The following ACSL5 variants were observed in gnomAD, a reference collection of about 807,000 sequenced individuals.
ACSL5 encodes the protein acyl-CoA synthetase long chain family member 5, also known as long-chain-fatty-acid--CoA ligase 5.
Under a neutral mutation model 84.9 loss-of-function variants are expected in ACSL5, and 50 were observed. That is an observed-to-expected ratio of 0.59 (90% CI 0.47 to 0.75). The LOEUF (loss-of-function observed/expected upper bound fraction) is 0.75. Ranked by LOEUF, ACSL5 falls within the 30% of genes least tolerant of loss-of-function variation. The pLI, the probability that ACSL5 is intolerant of heterozygous loss-of-function variation, is 0.00. For synonymous variants in ACSL5, 280 were observed against 300.7 expected (o/e 0.93, Z 0.71); for missense variants, 775 against 830.4 (o/e 0.93, Z 0.82).
At chr10:112,418,045 T>A in intron 14 of ACSL5, 104 bp downstream of exon 14, 2 of 849,200 alleles carry the variant, frequency 2.4e-6, no homozygotes, top group Non-Finnish European at 3.5e-6. Context: ...AAAATGAAAG[T>A]CACCTAAATT....
chr10:112,387,753 T>C (rs959054928), intron 1 of ACSL5, among the ~76,000 whole-genome samples: 3 of 152,192 alleles, frequency 2.0e-5, no homozygotes, highest in Non-Finnish European at 4.4e-5. Flanking sequence ...TCCTTTTTAA[T>C]TAGCTTTCTA....
chr10:112,376,522 C>T (rs903257349), intron 1 of ACSL5: 28 of 1,585,328 alleles, frequency 1.8e-5, no homozygotes, highest in Non-Finnish European at 2.2e-5. Flanking sequence ...AAGGGGGCAT[C>T]CTGACCCCCG....
At chr10:112,398,770 A>G (rs998282720) in intron 2 of ACSL5, 131 bp from the exon 3 acceptor site, 17 of 711,532 alleles carry the variant, frequency 2.4e-5, no homozygotes, top group Middle Eastern at 5.0e-4. Context: ...TTAAAAATCA[A>G]TTGACTAGCG....
At chr10:112,390,388 G>A (rs1357383507) in intron 1 of ACSL5, among the ~76,000 whole-genome samples, 1 of 152,198 alleles carries the variant, frequency 6.6e-6, no homozygotes, top group East Asian at 1.9e-4. Flanking sequence ...AAGTAGCAGT[G>A]TTAGGGAGAA....
intron 14 of ACSL5, among the ~76,000 whole-genome samples, chr10:112,418,487 C>T (rs552454021): frequency 2.6e-5 from 4 of 152,122 alleles, no homozygotes; most frequent in African/African-American, 7.2e-5. Flanking sequence ...GAGGCTGAGG[C>T]GGGAGAATGG....
Position 112,409,605 on chromosome 10 carries a change from C to G in ACSL5, c.631C>G (p.Leu211Val), listed in dbSNP as rs1195748486. The G allele has an allele frequency of 6.2e-7, 1 of 1,613,936 alleles. No homozygotes were observed. Among genetic ancestry groups the G allele is most frequent in the South Asian group, 1.1e-5 (1 of 91,072 alleles). The part of the protein sequence containing the change: ...GFTPSLKVII[L>V]MDPFDDDLKQ... ...CACCCCGAGCCTGAAGGTGATCATC[C>G]TTATGGACCCCTTTGATGATGACCT... The change falls in exon 7 of 21, where the codon CTT becomes GTT. Residue 211 changes from leucine (L) to valine (V), a missense_variant. Physicochemically the swap from Leu to Val is conservative, Grantham distance 32. Transcript: ENST00000354655.
chr10:112,416,621 T>A (rs536117900), intron 12 of ACSL5, among the ~76,000 whole-genome samples: 5 of 152,124 alleles, frequency 3.3e-5, no homozygotes, highest in Non-Finnish European at 7.4e-5. Flanking sequence ...TTTTAGGCAG[T>A]CCCTCTTTAT....
intron 12 of ACSL5, among the ~76,000 whole-genome samples, chr10:112,414,401 G>A (rs1428086426): frequency 1.4e-5 from 2 of 142,292 alleles, no homozygotes; most frequent in Non-Finnish European, 3.0e-5. Flanking sequence ...TGTCACCCAG[G>A]CTGGAGTGCA....
In ACSL5 at chr10:112,409,675, A is replaced by G. The variant is rs775467777; in HGVS notation, c.701A>G (p.Tyr234Cys). 5 of 1,614,112 alleles carry G rather than the reference A, an allele frequency of 3.1e-6. No homozygotes were observed. Among genetic ancestry groups the G allele is most frequent in the Non-Finnish European group, 4.2e-6 (5 of 1,179,970 alleles). The part of the protein sequence containing the change: ...EKSGIEILSL[Y>C]DAENLGKEHF... ...AGTGGAATTGAGATCTTATCCCTAT[A>G]TGATGCTGAGGTATGGATCTGAAAT... The change falls in exon 7 of 21, where the codon TAT (tyrosine) becomes TGT (cysteine). Residue 234 changes from tyrosine to cysteine, a missense_variant. Coordinates refer to ENST00000354655, the MANE Select transcript of ACSL5 (RefSeq NM_203379.2).
At position 112,427,195 on chromosome 10, in the gene ACSL5, A is replaced by ATG. The variant is rs751452222; in HGVS notation, c.1912-13_1912-12dup. 1.9e-5 allele frequency: 31 copies of ATG among 1,603,184 alleles called. No homozygotes were observed. In the South Asian group the frequency reaches 3.3e-4, roughly 17 times the overall value. On this transcript the variant is annotated intron_variant, in intron 20 of 20. Transcript: ENST00000354655. ...AAGTCCAAATCACTAATGAGCATGGATGTGTGTGTGTTCATCTTCCAGGTC... is the reference window on the plus strand; with the variant it reads ...AAGTCCAAATCACTAATGAGCATGGATGTGTGTGTGTGTTCATCTTCCAGGTC...
Position 112,426,325 on chromosome 10 carries a change from T to C in ACSL5, c.1805T>C (p.Val602Ala), listed in dbSNP as rs757813448. 4.3e-6 allele frequency: 7 copies of C among 1,613,972 alleles called. No homozygotes were observed. Among genetic ancestry groups the C allele is most frequent in the Non-Finnish European group, 5.9e-6 (7 of 1,180,008 alleles). Residue 602 changes from valine to alanine, a missense_variant, in exon 19 of 21, where the codon GTG becomes GCG. Transcript: ENST00000354655. ...VLPSFAAKLG[V>A]KGSFEELCQN... is the part of the protein sequence containing the mutation. ...CCCTCATTTGCAGCCAAGCTTGGGG[T>C]GAAGGGCTCCTTTGAGGAACTGTGC...
intron 7 of ACSL5, 95 bp from the exon 8 acceptor site, chr10:112,410,368 G>T (rs754346700): frequency 6.3e-7 from 1 of 1,591,204 alleles, no homozygotes; most frequent in Non-Finnish European, 8.6e-7. Flanking sequence ...TTCCCATAGA[G>T]ATGTTCTCAC....
At chr10:112,379,386 CAA>C (rs1259909307) in intron 1 of ACSL5, among the ~76,000 whole-genome samples, 17 of 132,546 alleles carry the variant, frequency 1.3e-4, no homozygotes, top group Middle Eastern at 4.4e-3. Flanking sequence ...GCCTGGGTGA[CAA>C]GAGTGAAACT....
At chr10:112,391,656 G>A (rs1843645035) in intron 1 of ACSL5, among the ~76,000 whole-genome samples, 1 of 152,182 alleles carries the variant, frequency 6.6e-6, no homozygotes, top group Admixed American at 6.5e-5. Context: ...TGTCTCAAAG[G>A]AGTAGTCAAA....
chr10:112,378,227 GTTTTTTTTTT>G (rs144322644), intron 1 of ACSL5, among the ~76,000 whole-genome samples: 5 of 56,806 alleles, frequency 8.8e-5, no homozygotes, highest in East Asian at 7.3e-4. Flanking sequence ...TCTTCTTCTT[GTTTTTTTTTT>G]TTTTTTTTTT....
At chr10:112,426,219 TTC>T in intron 18 of ACSL5, 37 bp from the exon 19 acceptor site, 1 of 1,546,412 alleles carries the variant, frequency 6.5e-7, no homozygotes, top group Non-Finnish European at 8.9e-7. Context: ...CCTACATAAC[TTC>T]TCTCATGCCC....
rs1290190564 is a variant in ACSL5 at position 112,411,450 on chromosome 10, CT to C, written c.797-5del. 12 of 1,608,874 alleles carry C rather than the reference CT, an allele frequency of 7.5e-6. No homozygotes were observed. In the African/African-American group the frequency reaches 9.4e-5, roughly 13 times the overall value. On this transcript the variant is annotated splice_region_variant and splice_polypyrimidine_tract_variant and intron_variant, in intron 9 of 20. Coordinates refer to ENST00000354655, the MANE Select transcript of ACSL5 (RefSeq NM_203379.2). ...TATCTTTCTCTCCACCTCTTATTTC[CT>C]ACAGGTGACCCCAAAGGAGCCATGA...
At chr10:112,407,247 C>T (rs186472775) in intron 5 of ACSL5, among the ~76,000 whole-genome samples, 24 of 151,998 alleles carry the variant, frequency 1.6e-4, no homozygotes, top group African/African-American at 2.7e-4. Flanking sequence ...TTTTGTGAGA[C>T]GGAGTTTCAC....
At chr10:112,376,576 C>T (rs551307169) in intron 1 of ACSL5, 84 of 1,318,788 alleles carry the variant, frequency 6.4e-5, no homozygotes, top group East Asian at 1.2e-4. Flanking sequence ...CTGAGTTCCA[C>T]GGGCACATCA....
Sources: allele counts gnomAD v4.1 joint callset (sites outside exome capture counted in the v4.1 genomes callset), GRCh38; gene constraint gnomAD v4.1.1; transcripts MANE v1.5; gene names NCBI Gene and HGNC (gene_info 2026-07-23, HGNC 2026-07-21).